EDRF1: variants seen among roughly 807,000 people sequenced by gnomAD.
The protein encoded by EDRF1 is erythroid differentiation regulatory factor 1, also known as erythroid differentiation-related factor 1.
In EDRF1, 69 loss-of-function variants were observed where a neutral mutation model predicts 148.7. That is an observed-to-expected ratio of 0.46 (90% CI 0.38 to 0.57). The LOEUF is 0.57. Ranked by LOEUF, EDRF1 falls within the 20% of genes least tolerant of loss-of-function variation. The pLI is 0.00. For synonymous variants in EDRF1, 515 were observed against 532.8 expected (o/e 0.97, Z 0.46); for missense variants, 1,118 against 1,478.7 (o/e 0.76, Z 4.00).
intron 15 of EDRF1, among the ~76,000 whole-genome samples, chr10:125,739,375 CT>C (rs1304152992): frequency 5.9e-5 from 9 of 152,200 alleles, no homozygotes; most frequent in Admixed American, 2.6e-4. Flanking sequence ...TCCATCTCCC[CT>C]GTTGAAAATC....
intron 22 of EDRF1, chr10:125,749,833 A>G: frequency 2.2e-6 from 1 of 446,674 alleles, no homozygotes; most frequent in South Asian, 2.1e-5. Context: ...TTGACAAATA[A>G]ATTTAGACAG....
In EDRF1 at chr10:125,747,913, T is replaced by C. The variant is rs1849445906; in HGVS notation, c.3024T>C (p.Asp1008=). Residue 1008 remains aspartate, a synonymous_variant, in exon 21 of 25, where the codon GAT becomes GAC. Coordinates refer to ENST00000356792, the MANE Select transcript of EDRF1 (RefSeq NM_001202438.2). ...EAMMKSLKYC[D]VDSVSARQPL... ...TGATGAAGTCCCTAAAATACTGCGA[T>C]GTGGATTCAGTGTCTGCTCGACAGC... The C allele has an allele frequency of 6.2e-7, 1 of 1,614,102 alleles. No homozygotes were observed. Among genetic ancestry groups the C allele is most frequent in the African/African-American group, 1.3e-5 (1 of 74,948 alleles).
chr10:125,763,151 A>G lies in EDRF1; in HGVS notation c.3546-150A>G. On this transcript the variant is annotated intron_variant, in intron 24 of 24. Transcript: ENST00000356792. This position sits in a 1 kb window ranked among gnomAD's most constrained non-coding sequence, Gnocchi z 4.3. ...AACAGGCCCATGAGCAATATGTAAA[A>G]GAAGGCAGGTCTGAACCCGGCAGGA... is the stretch of plus-strand genomic sequence containing the variant. 1.4e-6 allele frequency: 1 copy of G among 740,410 alleles called. No individual in the cohort carries two copies. Among genetic ancestry groups the G allele is most frequent in the Non-Finnish European group, 2.4e-6 (1 of 421,798 alleles). 45.9% of individuals were successfully genotyped at this position (740,410 alleles called of 1,614,324 possible). A position where few individuals can be genotyped will look rare whatever the true frequency, so the allele number is the denominator to read the frequency against.
At chr10:125,733,893 C>A in intron 11 of EDRF1, 150 bp downstream of exon 11, 2 of 900,100 alleles carry the variant, frequency 2.2e-6, no homozygotes, top group Non-Finnish European at 3.5e-6. Flanking sequence ...CCAAATATTA[C>A]TCAGCTTTCT....
Position 125,763,451 on chromosome 10 carries a change from G to T in EDRF1, c.3696G>T (p.Ala1232=), listed in dbSNP as rs747214570. The T allele has an allele frequency of 6.2e-7, 1 of 1,608,346 alleles. No individual in the cohort carries two copies. The highest frequency in any genetic ancestry group is 8.5e-7 in the Non-Finnish European group (1 of 1,179,996). ...GCCAGCTTGCCGCCGGCAGTGCAGCGAGCAGCAATGCCGTTCAGTGACTGC... is the reference window on the plus strand; with the variant it reads ...GCCAGCTTGCCGCCGGCAGTGCAGCTAGCAGCAATGCCGTTCAGTGACTGC... The part of the protein sequence containing the change: ...LLGQLAAGSA[A]SSNAVQ Residue 1232 remains alanine, a synonymous_variant, in exon 25 of 25, where the codon GCG becomes GCT. Coordinates refer to ENST00000356792, the MANE Select transcript of EDRF1 (RefSeq NM_001202438.2). The surrounding 1 kb of genome is among the most constrained non-coding windows in gnomAD (Gnocchi z 4.3).
At position 125,725,428 on chromosome 10, in the gene EDRF1, G is replaced by A. The variant is rs1848210811; in HGVS notation, c.621G>A (p.Lys207=). ...EHWYQKAILS[K]FLYYSINGDG... is the part of the protein sequence containing the mutation. ...GGTATCAAAAGGCAATTCTTTCCAA[G>A]TTTTTATATTACAGGTACTTGGCTA... Residue 207 remains lysine, a synonymous_variant, in exon 5 of 25, where the codon AAG becomes AAA. Transcript: ENST00000356792. 1 of 1,613,810 alleles carries A rather than the reference G, an allele frequency of 6.2e-7. No homozygotes were observed. Among genetic ancestry groups the A allele is most frequent in the African/African-American group, 1.3e-5 (1 of 74,888 alleles).
chr10:125,755,536 T>C (rs1405605232), intron 24 of EDRF1, among the ~76,000 whole-genome samples: 1 of 152,220 alleles, frequency 6.6e-6, no homozygotes, highest in East Asian at 1.9e-4. Context: ...TGTTCCCTCT[T>C]CTGTTTTCTG....
In EDRF1 at chr10:125,733,522, A is replaced by G; in HGVS notation, c.1247A>G (p.Lys416Arg). ...TCATTTTTGAAATCTAATTGTACCA[A>G]AGAAGGACATACCTATTGGCTCTTT... Reference protein sequence around the residue: ...ILSFLKSNCTKEGHTYWLFKA... With the variant: ...ILSFLKSNCTREGHTYWLFKA... The change falls in exon 10 of 25, where the codon AAA becomes AGA. Residue 416 changes from lysine (K) to arginine (R), a missense_variant. Lys to Arg is a conservative substitution (Grantham distance 26, BLOSUM62 2). This residue lies in a region of EDRF1 where 954 missense variants were observed against 1,241.4 expected (regional missense o/e 0.77). Coordinates refer to ENST00000356792, the MANE Select transcript of EDRF1 (RefSeq NM_001202438.2). 1 of 1,600,602 alleles carries G rather than the reference A, an allele frequency of 6.2e-7. No individual in the cohort carries two copies. The highest frequency in any genetic ancestry group is 8.6e-7 in the Non-Finnish European group (1 of 1,167,918).
chr10:125,738,147 A>G, intron 14 of EDRF1, 148 bp from the exon 15 acceptor site: 1 of 1,378,086 alleles, frequency 7.3e-7, no homozygotes, highest in Non-Finnish European at 1.0e-6. Flanking sequence ...TTTTTCCCAA[A>G]TCTTTCAGAT....
chr10:125,730,273 A>C lies in EDRF1; in HGVS notation c.1017-15A>C, dbSNP rs1251010810. 6.4e-7 allele frequency: 1 copy of C among 1,574,678 alleles called. No homozygotes were observed. Among genetic ancestry groups the C allele is most frequent in the Non-Finnish European group, 8.7e-7 (1 of 1,144,168 alleles). On this transcript the variant is annotated splice_polypyrimidine_tract_variant and intron_variant, in intron 8 of 24. Transcript: ENST00000356792. ...CTTAATTAAACCAAATAACACTAGA[A>C]ATGTATATTTTTAGGGATAACAACA...
chr10:125,735,556 C>A, intron 12 of EDRF1, 88 bp from the exon 13 acceptor site: 2 of 1,325,228 alleles, frequency 1.5e-6, no homozygotes, highest in Non-Finnish European at 2.1e-6. Flanking sequence ...TGTGTGCAGA[C>A]CTCCTCCTAA....
rs1238242704 is a variant in EDRF1, at chr10:125,760,114, T to G, written c.3546-3187T>G. Among the ~76,000 whole-genome samples, 3 of 152,240 alleles carry G rather than the reference T, an allele frequency of 2.0e-5. No individual in the cohort carries two copies. In the East Asian group the frequency reaches 5.8e-4, roughly 29 times the overall value. On this transcript the variant is annotated intron_variant, in intron 24 of 24. Coordinates refer to ENST00000356792, the MANE Select transcript of EDRF1 (RefSeq NM_001202438.2). ...AATTTAGCAGAGACATCCATCTTTTTGAAGAGCCCTAAGGCGGAGCAGATA... is the reference window on the plus strand; with the variant it reads ...AATTTAGCAGAGACATCCATCTTTTGGAAGAGCCCTAAGGCGGAGCAGATA...
intron 6 of EDRF1, 145 bp from the exon 7 acceptor site, chr10:125,728,858 C>A (rs944116630): frequency 3.2e-6 from 2 of 621,090 alleles, no homozygotes; most frequent in African/African-American, 1.8e-5. Context: ...CCCAATGAGG[C>A]GTGTTATTAT....
chr10:125,763,225 C>T lies in EDRF1; in HGVS notation c.3546-76C>T. ...AGAGTGACTGTTGGGCTGTCACTGTCCGGTTTTCTGGACCTCTGAATTGTC... is the reference window on the plus strand; with the variant it reads ...AGAGTGACTGTTGGGCTGTCACTGTTCGGTTTTCTGGACCTCTGAATTGTC... On this transcript the variant is annotated intron_variant, in intron 24 of 24. Transcript: ENST00000356792. The surrounding 1 kb of genome is among the most constrained non-coding windows in gnomAD (Gnocchi z 4.3). The T allele has an allele frequency of 6.9e-7, 1 of 1,438,994 alleles. No homozygotes were observed. Among genetic ancestry groups the T allele is most frequent in the Non-Finnish European group, 9.7e-7 (1 of 1,033,484 alleles). The allele number at this position is 1,438,994 out of a possible 1,614,324, so 89.1% of individuals were successfully genotyped here. A position where few individuals can be genotyped will look rare whatever the true frequency, so the allele number is the denominator to read the frequency against.
rs887265511 is a variant in EDRF1, at chr10:125,758,566, C to T, written c.3545+4721C>T. ...AGCTGTGGTTGAGATTTTTTTATTG[C>T]GATGGTTACCTTCCATGTACCACAG... On this transcript the variant is annotated intron_variant, in intron 24 of 24. Transcript: ENST00000356792. Among the ~76,000 whole-genome samples, 3 of 152,056 alleles carry T rather than the reference C, an allele frequency of 2.0e-5. 1 individual carries two copies. The highest frequency in any genetic ancestry group is 4.1e-4 in the South Asian group (2 of 4,826).
At chr10:125,738,107 T>C in intron 14 of EDRF1, 118 bp downstream of exon 14, 2 of 1,347,734 alleles carry the variant, frequency 1.5e-6, no homozygotes, top group South Asian at 2.4e-5. Context: ...GATTTTTTTT[T>C]CCTTAAGCAT....
rs1165318403 is a variant in EDRF1 at position 125,725,403 on chromosome 10, G to A, written c.596G>A (p.Trp199Ter). The change falls in exon 5 of 25, where the codon TGG becomes TAG. Residue 199 changes from tryptophan (W) to a stop codon, truncating the protein, a stop_gained. Transcript: ENST00000356792. LOFTEE classifies it high-confidence loss of function. ...WQRKKKSKEH[W>*]YQKAILSKFL... The stretch of plus-strand genomic sequence containing the variant: ...AGGAAGAAAAAGAGCAAAGAGCACT[G>A]GTATCAAAAGGCAATTCTTTCCAAG... The A allele has an allele frequency of 1.2e-6, 2 of 1,613,798 alleles. No individual in the cohort carries two copies. Among genetic ancestry groups the A allele is most frequent in the Non-Finnish European group, 1.7e-6 (2 of 1,179,950 alleles).
Position 125,740,596 on chromosome 10 carries a change from T to G in EDRF1, c.2115T>G (p.Ser705Arg). 6.2e-7 allele frequency: 1 copy of G among 1,614,108 alleles called. No individual in the cohort carries two copies. The highest frequency in any genetic ancestry group is 8.5e-7 in the Non-Finnish European group (1 of 1,180,024). Residue 705 changes from serine to arginine, a missense_variant, in exon 16 of 25, where the codon AGT becomes AGG. By Grantham distance (110) the Ser-to-Arg change is moderately radical. Around this residue, in one of 3 missense-constraint regions of EDRF1, gnomAD observed 954 missense variants for 1,241.4 expected, o/e 0.77. Transcript: ENST00000356792. ...AYYVLSDAAM[S>R]LQKYGRALRY... ...ATGTTTTGTCCGATGCTGCCATGAGTCTTCAGAAATACGGAAGAGCATTAC... is the reference window on the plus strand; with the variant it reads ...ATGTTTTGTCCGATGCTGCCATGAGGCTTCAGAAATACGGAAGAGCATTAC...
intron 17 of EDRF1, chr10:125,742,426 A>G: frequency 9.0e-7 from 1 of 1,107,880 alleles, no homozygotes; most frequent in Non-Finnish European, 1.1e-6. Flanking sequence ...TTTGCCTCCC[A>G]GAGTTTTAGA....
Sources: gnomAD v4.1 joint callset for allele counts (sites outside exome capture counted in the v4.1 genomes callset) on GRCh38, gnomAD v4.1.1 for gene constraint, gnomAD v4.1.1 regional missense constraint, Gnocchi (gnomAD v3.1) non-coding constraint, MANE v1.5 for transcripts, NCBI Gene and HGNC (gene_info 2026-07-23, HGNC 2026-07-21) for gene names.